Variants in SYNE1 observed in about 807,000 individuals in gnomAD.
The protein encoded by SYNE1 is nesprin-1.
Under a neutral mutation model 1,111.0 loss-of-function variants are expected in SYNE1, and 616 were observed. The ratio of observed to expected loss-of-function variants is 0.55; its 90% CI spans 0.52 to 0.59. The LOEUF is 0.59. SYNE1 is among the 20% of genes least tolerant of loss of function. SYNE1 has a pLI of 0.00. For synonymous variants in SYNE1, 3,855 were observed against 3,825.8 expected, an observed-to-expected ratio of 1.01 and a Z score of -0.28; for missense variants, 10,006 against 10,417.0, an observed-to-expected ratio of 0.96 and a Z score of 1.72.
At chr6:152,133,198 T>C in intron 143 of SYNE1, 78 bp downstream of exon 143, 7 of 1,344,154 alleles carry the variant, frequency 5.2e-6, no homozygotes, top group Non-Finnish European at 7.5e-6. Flanking sequence ...ATTTAAAGTC[T>C]TTCTAAAATG....
intron 63 of SYNE1, 143 bp from the exon 64 acceptor site, chr6:152,362,466 A>T (rs1028333046): frequency 1.9e-6 from 2 of 1,076,062 alleles, no homozygotes; most frequent in Non-Finnish European, 2.8e-6. Context: ...CAGGCTGCCC[A>T]GGGCTTAAGG....
chr6:152,208,661 T>C (rs2076972144), intron 124 of SYNE1, among the ~76,000 whole-genome samples: 1 of 152,250 alleles, frequency 6.6e-6, no homozygotes, highest in African/African-American at 2.4e-5. Flanking sequence ...GTTCGAATCA[T>C]AAGCCACTTG....
Position 152,122,409 on chromosome 6 carries a change from C to T in SYNE1, c.*27G>A. ...GACCCGATCCTCCTTATGCTACCAG[C>T]ACTTCTGCAGATGGCATCTGCTTAG... is the stretch of plus-strand genomic sequence containing the variant. On this transcript the variant is annotated 3_prime_UTR_variant, in exon 146 of 146. Coordinates refer to ENST00000367255, the MANE Select transcript of SYNE1 (RefSeq NM_182961.4). 6.2e-7 allele frequency: 1 copy of T among 1,613,982 alleles called. No homozygotes were observed. The highest frequency in any genetic ancestry group is 8.5e-7 in the Non-Finnish European group (1 of 1,180,042).
chr6:152,559,171 T>C (rs545052272), intron 3 of SYNE1, among the ~76,000 whole-genome samples: 1 of 152,306 alleles, frequency 6.6e-6, no homozygotes, highest in South Asian at 2.1e-4. Flanking sequence ...TGGCACTCAC[T>C]GTAGCCTAGA....
In SYNE1 at chr6:152,130,738, A is replaced by G. The variant is rs1345164855; in HGVS notation, c.26135T>C (p.Val8712Ala). 1 of 1,614,138 alleles carries G rather than the reference A, an allele frequency of 6.2e-7. No homozygotes were observed. Among genetic ancestry groups the G allele is most frequent in the Non-Finnish European group, 8.5e-7 (1 of 1,180,032 alleles). Residue 8712 changes from valine to alanine, a missense_variant, in exon 145 of 146, where the codon GTC becomes GCC. Around this residue, in one of 7 missense-constraint regions of SYNE1, gnomAD observed 761 missense variants for 795.5 expected, o/e 0.96. Coordinates refer to ENST00000367255, the MANE Select transcript of SYNE1 (RefSeq NM_182961.4). ...GAGGTACCTGCTATGTGGACTGCTG[A>G]CAGAGGGTCCAGGCTGTGAGAGACT... ...KCSLSQPGPSVSSPHSRSTKG... is the reference protein window; with the variant it reads ...KCSLSQPGPSASSPHSRSTKG...
intron 135 of SYNE1, 98 bp downstream of exon 135, chr6:152,151,455 A>G: frequency 2.0e-6 from 3 of 1,507,948 alleles, no homozygotes; most frequent in Non-Finnish European, 2.7e-6. Flanking sequence ...CTAATTTTTC[A>G]AAAGAAAAGT....
intron 3 of SYNE1, among the ~76,000 whole-genome samples, chr6:152,542,968 C>G (rs1445411580): frequency 1.3e-5 from 2 of 151,956 alleles, no homozygotes; most frequent in Non-Finnish European, 2.9e-5. Flanking sequence ...CAAAATACCA[C>G]TGTTTAAAAA....
At chr6:152,256,906 T>G in intron 101 of SYNE1, 141 bp from the exon 102 acceptor site, 1 of 1,297,782 alleles carries the variant, frequency 7.7e-7, no homozygotes, top group Non-Finnish European at 1.1e-6. Context: ...TTCTACAACA[T>G]ACCATGTCCA....
intron 144 of SYNE1, 131 bp from the exon 145 acceptor site, chr6:152,130,909 T>C (rs1406927915): frequency 4.7e-6 from 4 of 857,558 alleles, no homozygotes; most frequent in South Asian, 1.7e-5. Flanking sequence ...TCAGTACCCA[T>C]GAATTAAGGA....
rs1303725444 is a variant in SYNE1 at position 152,293,755 on chromosome 6, C to T, written c.17851-6G>A. On this transcript the variant is annotated splice_polypyrimidine_tract_variant and splice_region_variant and intron_variant, in intron 94 of 145. Coordinates refer to ENST00000367255, the MANE Select transcript of SYNE1 (RefSeq NM_182961.4). ...GTGCGCTGCTTCTCACTGATCTACA[C>T]CAGAAAAGGGATATTACCAAATGCT... is the stretch of plus-strand genomic sequence containing the variant. 1.2e-6 allele frequency: 2 copies of T among 1,613,956 alleles called. No individual in the cohort carries two copies. The highest frequency in any genetic ancestry group is 1.7e-6 in the Non-Finnish European group (2 of 1,180,044).
In SYNE1 at chr6:152,526,287, T is replaced by C. The variant is rs904698687; in HGVS notation, c.130-112A>G. 4.2e-5 allele frequency: 43 copies of C among 1,030,552 alleles called. No homozygotes were observed. The African/African-American group carries it at 6.4e-4, about 15-fold the overall frequency. 63.8% of individuals were successfully genotyped at this position (1,030,552 alleles called of 1,614,324 possible). A position where few individuals can be genotyped will look rare whatever the true frequency, so the allele number is the denominator to read the frequency against. The stretch of plus-strand genomic sequence containing the variant: ...TGGTGAAATTTGTAGGAGAGGCTTC[T>C]ATATACTTTAATTCTTTATTTTGGA... On this transcript the variant is annotated intron_variant, in intron 4 of 145. Transcript: ENST00000367255.
rs1255872161 is a variant in SYNE1 at position 152,359,410 on chromosome 6, C to T, written c.10348G>A (p.Glu3450Lys). 1.7e-5 allele frequency: 28 copies of T among 1,614,034 alleles called. No homozygotes were observed. Among genetic ancestry groups the T allele is most frequent in the Middle Eastern group, 1.6e-4 (1 of 6,084 alleles). Reference protein sequence around the residue: ...LSYSSLLETIEVKGAGMTEHY... With the variant: ...LSYSSLLETIKVKGAGMTEHY... ...TCTGTCATGCCAGCCCCTTTGACTT[C>T]GATGGTCTCCAGCAAGCTGCTGTAA... The change falls in exon 65 of 146, where the codon GAA becomes AAA. Residue 3450 changes from glutamate to lysine, a missense_variant. Coordinates refer to ENST00000367255, the MANE Select transcript of SYNE1 (RefSeq NM_182961.4).
At chr6:152,291,608 G>A (rs983296513) in intron 95 of SYNE1, among the ~76,000 whole-genome samples, 24 of 152,146 alleles carry the variant, frequency 1.6e-4, no homozygotes, top group Non-Finnish European at 2.5e-4. Flanking sequence ...CTGATTGGAA[G>A]CTAACTTGCA....
intron 122 of SYNE1, among the ~76,000 whole-genome samples, chr6:152,213,979 T>C (rs1283006825): frequency 6.6e-6 from 1 of 152,136 alleles, no homozygotes; most frequent in East Asian, 1.9e-4. Context: ...GGTGGACAGA[T>C]CACCTGAGGT....
At chr6:152,339,779 G>C (rs574727750) in intron 74 of SYNE1, among the ~76,000 whole-genome samples, 1 of 152,364 alleles carries the variant, frequency 6.6e-6, no homozygotes, top group Non-Finnish European at 1.5e-5. Context: ...GGTTTCATTG[G>C]AGTGAGGTTA....
intron 79 of SYNE1, 94 bp from the exon 80 acceptor site, chr6:152,326,196 A>G (rs2153953722): frequency 6.2e-7 from 1 of 1,612,554 alleles, no homozygotes; most frequent in Non-Finnish European, 8.5e-7. Flanking sequence ...TACTCAGGGA[A>G]AAATGAATTT....
chr6:152,174,813 A>C (rs1422703744), intron 130 of SYNE1, among the ~76,000 whole-genome samples: 1 of 152,234 alleles, frequency 6.6e-6, no homozygotes, highest in Non-Finnish European at 1.5e-5. Flanking sequence ...AATACACAAA[A>C]AGATGCCTAT....
At chr6:152,261,967 T>C (rs1431124774) in intron 101 of SYNE1, 65 bp downstream of exon 101, 2 of 1,381,634 alleles carry the variant, frequency 1.4e-6, no homozygotes, top group East Asian at 2.5e-5. Flanking sequence ...TGCACAGTTA[T>C]AATCCCTCAG....
At chr6:152,229,836 T>G (rs984492236) in intron 115 of SYNE1, among the ~76,000 whole-genome samples, 4 of 152,182 alleles carry the variant, frequency 2.6e-5, no homozygotes, top group African/African-American at 9.6e-5. Flanking sequence ...AAAGAAATTT[T>G]AAAGACAACC....
Sources: gnomAD v4.1 joint callset for allele counts (sites outside exome capture counted in the v4.1 genomes callset) on GRCh38, gnomAD v4.1.1 for gene constraint, gnomAD v4.1.1 regional missense constraint, MANE v1.5 for transcripts, NCBI Gene and HGNC (gene_info 2026-07-23, HGNC 2026-07-21) for gene names.